FOXP1: variants seen among roughly 807,000 people sequenced by gnomAD.
FOXP1 encodes the protein forkhead box P1, also known as forkhead box protein P1.
A neutral mutation model predicts 98.2 loss-of-function variants in FOXP1; 15 were observed. The ratio of observed to expected loss-of-function variants is 0.15; its 90% CI spans 0.10 to 0.24. FOXP1 has a LOEUF of 0.24. FOXP1 is among the 10% of genes least tolerant of loss of function. The pLI is 1.00. For missense variants in FOXP1, 633 were observed against 848.5 expected, an observed-to-expected ratio of 0.75 and a Z score of 3.15; for synonymous variants, 371 against 314.5, an observed-to-expected ratio of 1.18 and a Z score of -1.90.
rs555259605 is a variant in FOXP1, at chr3:71,403,868, C to A, written c.-167-44624G>T. Among the ~76,000 whole-genome samples the A allele has an allele frequency of 4.1e-3, 618 of 151,866 alleles. 5 individuals carry two copies. Among genetic ancestry groups the A allele is most frequent in the African/African-American group, 0.014 (585 of 41,434 alleles). ...ACTGCCTCAAAAACAGCAACAACAACAAAAAAGTAAAGGATCCGAGAAATG... is the reference window on the plus strand; with the variant it reads ...ACTGCCTCAAAAACAGCAACAACAAAAAAAAAGTAAAGGATCCGAGAAATG... On this transcript the variant is annotated intron_variant, in intron 3 of 20. Transcript: ENST00000649528.
At chr3:71,361,735 G>A (rs1486279106) in intron 3 of FOXP1, among the ~76,000 whole-genome samples, 1 of 152,192 alleles carries the variant, frequency 6.6e-6, no homozygotes, top group African/African-American at 2.4e-5. Flanking sequence ...CGCTGCTCAG[G>A]ACTGGATGCT....
At chr3:71,470,915 GT>G (rs1244009134) in intron 3 of FOXP1, among the ~76,000 whole-genome samples, 1 of 152,196 alleles carries the variant, frequency 6.6e-6, no homozygotes, top group Non-Finnish European at 1.5e-5. Flanking sequence ...GTGACCATGA[GT>G]CTGTGCCTTA....
chr3:71,488,279 A>T (rs1489408277), intron 3 of FOXP1, among the ~76,000 whole-genome samples: 1 of 152,224 alleles, frequency 6.6e-6, no homozygotes, highest in Non-Finnish European at 1.5e-5. Context: ...ATCTTAAAAT[A>T]GGAGTTGGGG....
intron 9 of FOXP1, among the ~76,000 whole-genome samples, chr3:71,050,810 T>C (rs1054614245): frequency 1.4e-4 from 22 of 152,226 alleles, no homozygotes; most frequent in Non-Finnish European, 2.6e-4. Flanking sequence ...TGTTGATTTA[T>C]GGGCGCATCA....
intron 11 of FOXP1, among the ~76,000 whole-genome samples, chr3:71,038,780 C>G (rs1387712993): frequency 6.6e-6 from 1 of 151,844 alleles, no homozygotes. Context: ...CCTCCCACCT[C>G]AGCCTCTCAA....
At chr3:71,567,316 G>T (rs1358250526) in intron 2 of FOXP1, among the ~76,000 whole-genome samples, 1 of 151,904 alleles carries the variant, frequency 6.6e-6, no homozygotes, top group Non-Finnish European at 1.5e-5. Flanking sequence ...GCTCATTTAT[G>T]TCTCCCATCA....
At chr3:71,568,680 T>C (rs973279421) in intron 2 of FOXP1, among the ~76,000 whole-genome samples, 1 of 151,804 alleles carries the variant, frequency 6.6e-6, no homozygotes, top group Non-Finnish European at 1.5e-5. Flanking sequence ...ACAGTCTCAC[T>C]CTGTCACCCA....
Position 71,102,700 on chromosome 3 carries a change from C to T in FOXP1, c.282+9836G>A, listed in dbSNP as rs189768687. ...ATCAACATATGTCCAAATTAGGAGA[C>T]GGTGTGGTCTGGTGGTTAGCGAGGA... On this transcript the variant is annotated intron_variant, in intron 7 of 20. Transcript: ENST00000649528. Among the ~76,000 whole-genome samples the T allele has an allele frequency of 1.6e-3, 242 of 152,266 alleles. 1 individual carries two copies. Among genetic ancestry groups the T allele is most frequent in the Non-Finnish European group, 2.5e-3 (170 of 68,028 alleles).
At chr3:71,153,604 T>C (rs1039099916) in intron 6 of FOXP1, among the ~76,000 whole-genome samples, 13 of 150,978 alleles carry the variant, frequency 8.6e-5, no homozygotes, top group Admixed American at 5.9e-4. Context: ...TGGTTAAACA[T>C]GAAATGACAA....
At chr3:71,004,488 G>A (rs2042521729) in intron 12 of FOXP1, among the ~76,000 whole-genome samples, 1 of 152,116 alleles carries the variant, frequency 6.6e-6, no homozygotes, top group Admixed American at 6.6e-5. Context: ...AGAATTATTA[G>A]CTGAATAGTT....
At chr3:71,421,567 G>C (rs1398032883) in intron 3 of FOXP1, among the ~76,000 whole-genome samples, 1 of 152,062 alleles carries the variant, frequency 6.6e-6, no homozygotes, top group African/African-American at 2.4e-5. Context: ...ACAATAAATG[G>C]CAGGGCATCC....
chr3:71,270,693 T>C, intron 5 of FOXP1, among the ~76,000 whole-genome samples: 1 of 152,226 alleles, frequency 6.6e-6, no homozygotes, highest in Non-Finnish European at 1.5e-5. Flanking sequence ...GGGTTGATCT[T>C]AATCTTCTTA....
At chr3:71,535,478 G>T (rs1238932403) in intron 2 of FOXP1, among the ~76,000 whole-genome samples, 1 of 152,128 alleles carries the variant, frequency 6.6e-6, no homozygotes, top group Non-Finnish European at 1.5e-5. Flanking sequence ...GCCAAGGCAG[G>T]TGGATCACTT....
rs1048157667 is a variant in FOXP1, at chr3:70,955,667, T to C, written c.*3580A>G. ...CTTGGAAAAGTGTGACCCTGGAATTTCATCATGCAAAATATTTACTGCAGC... is the reference window on the plus strand; with the variant it reads ...CTTGGAAAAGTGTGACCCTGGAATTCCATCATGCAAAATATTTACTGCAGC... On this transcript the variant is annotated 3_prime_UTR_variant, in exon 21 of 21. Coordinates refer to ENST00000649528, the MANE Select transcript of FOXP1 (RefSeq NM_001349338.3). 8.6e-6 allele frequency: 2 copies of C among 233,604 alleles called. No homozygotes were observed. 14.5% of individuals were successfully genotyped at this position (233,604 alleles called of 1,614,324 possible).
intron 3 of FOXP1, among the ~76,000 whole-genome samples, chr3:71,491,579 C>T (rs1248563141): frequency 6.6e-6 from 1 of 152,190 alleles, no homozygotes; most frequent in South Asian, 2.1e-4. Context: ...TTGCCACTGA[C>T]AGAAGTAATA....
chr3:71,389,351 T>C (rs2108110881), intron 3 of FOXP1, among the ~76,000 whole-genome samples: 1 of 150,688 alleles, frequency 6.6e-6, no homozygotes, highest in Non-Finnish European at 1.5e-5. Context: ...CCTGCATCAC[T>C]TTCATGAGCG....
intron 4 of FOXP1, among the ~76,000 whole-genome samples, chr3:71,347,186 C>A (rs910313491): frequency 2.0e-5 from 3 of 152,112 alleles, no homozygotes; most frequent in African/African-American, 4.8e-5. Flanking sequence ...TTATTTGGTT[C>A]TTTCTTTAAG....
intron 3 of FOXP1, among the ~76,000 whole-genome samples, chr3:71,487,243 G>C (rs1228918970): frequency 6.6e-6 from 1 of 151,978 alleles, no homozygotes; most frequent in East Asian, 1.9e-4. Flanking sequence ...TACCTAACAA[G>C]TCAATGTGGT....
At chr3:71,423,328 C>T (rs2083811654) in intron 3 of FOXP1, among the ~76,000 whole-genome samples, 1 of 152,188 alleles carries the variant, frequency 6.6e-6, no homozygotes, top group Admixed American at 6.5e-5. Flanking sequence ...AGTGAGAAGG[C>T]TCCAGGCTCC....
Sources: allele counts gnomAD v4.1 joint callset (sites outside exome capture counted in the v4.1 genomes callset), GRCh38; gene constraint gnomAD v4.1.1; transcripts MANE v1.5; gene names NCBI Gene and HGNC (gene_info 2026-07-23, HGNC 2026-07-21).